Variants in RPTOR observed in about 807,000 individuals in gnomAD.
RPTOR encodes regulatory-associated protein of mTOR.
Under a neutral mutation model 169.9 loss-of-function variants are expected in RPTOR, and 21 were observed. That is an observed-to-expected ratio of 0.12 (90% confidence interval 0.09 to 0.18). The LOEUF (loss-of-function observed/expected upper bound fraction) is 0.18, where lower values mean the gene tolerates loss of function less well. RPTOR is among the 10% of genes least tolerant of loss of function. RPTOR has a pLI of 1.00. For missense variants in RPTOR, 1,133 were observed against 1,855.9 expected, an observed-to-expected ratio of 0.61 and a Z score of 7.16; for synonymous variants, 732 against 753.2, an observed-to-expected ratio of 0.97 and a Z score of 0.46.
chr17:80,603,308 T>C (rs1015122825), intron 1 of RPTOR, among the ~76,000 whole-genome samples: 19 of 152,192 alleles, frequency 1.2e-4, no homozygotes, highest in Non-Finnish European at 2.5e-4. Flanking sequence ...GGTCGTGGCA[T>C]AAAAGGTGAT....
chr17:80,571,353 C>G (rs1181289183), intron 1 of RPTOR, among the ~76,000 whole-genome samples: 2 of 152,166 alleles, frequency 1.3e-5, no homozygotes, highest in African/African-American at 4.8e-5. Context: ...CAGAAAACAT[C>G]TATTTACAAT....
chr17:80,809,408 A>T lies in RPTOR; in HGVS notation c.891-12793A>T, dbSNP rs77236202. On this transcript the variant is annotated intron_variant, in intron 7 of 33. Transcript: ENST00000306801. ...GGGTTTCACCATGTTGCCCAGGCTG[A>T]TCTCGAACTCCTGACTTAAGTGATC... Among the ~76,000 whole-genome samples the T allele has an allele frequency of 7.8e-3, 1,184 of 152,168 alleles. 27 individuals carry two copies. Among genetic ancestry groups the T allele is most frequent in the African/African-American group, 0.028 (1,143 of 41,522 alleles).
At chr17:80,653,438 T>A (rs2143627578) in intron 3 of RPTOR, among the ~76,000 whole-genome samples, 1 of 152,354 alleles carries the variant, frequency 6.6e-6, no homozygotes, top group South Asian at 2.1e-4. Context: ...ATATACTGTA[T>A]AATTTAATAC....
intron 24 of RPTOR, among the ~76,000 whole-genome samples, chr17:80,939,208 T>C (rs553765595): frequency 5.9e-5 from 9 of 152,342 alleles, no homozygotes; most frequent in South Asian, 4.1e-4. Context: ...ACGGCATGTA[T>C]GCTTAAGGAA....
At chr17:80,810,283 T>A (rs923587843) in intron 7 of RPTOR, among the ~76,000 whole-genome samples, 1 of 150,258 alleles carries the variant, frequency 6.7e-6, no homozygotes, top group Non-Finnish European at 1.5e-5. Context: ...CTTAGTGAAC[T>A]ATGATTAACT....
chr17:80,632,494 A>C (rs2065450080), intron 2 of RPTOR, among the ~76,000 whole-genome samples: 1 of 152,172 alleles, frequency 6.6e-6, no homozygotes, highest in Non-Finnish European at 1.5e-5. Context: ...GAAAAACTCC[A>C]TGCTTCTTTC....
At chr17:80,804,494 C>G (rs2067197440) in intron 7 of RPTOR, 1 of 152,266 alleles carries the variant, frequency 6.6e-6, no homozygotes, top group South Asian at 2.1e-4. Context: ...AGCTCCTTTC[C>G]TGCCTTCTGT....
chr17:80,897,635 T>A (rs554499749), intron 20 of RPTOR, among the ~76,000 whole-genome samples: 1 of 152,312 alleles, frequency 6.6e-6, no homozygotes, highest in Non-Finnish European at 1.5e-5. Context: ...CACCAGCTAT[T>A]TCTTTGGGCG....
rs1167338153 is a variant in RPTOR at position 80,844,829 on chromosome 17, A to C, written c.1213-1644A>C. On this transcript the variant is annotated intron_variant, in intron 10 of 33. Coordinates refer to ENST00000306801, the MANE Select transcript of RPTOR (RefSeq NM_020761.3). The surrounding 1 kb of genome is among the most constrained non-coding windows in gnomAD (Gnocchi z 4.7). ...TTCACTGGAACCCGGGGCACAGCCG[A>C]CCCCGGCCAGATGAGCGGAGGGAGG... Among the ~76,000 whole-genome samples the C allele has an allele frequency of 6.6e-6, 1 of 151,982 alleles. No individual in the cohort carries two copies. Among genetic ancestry groups the C allele is most frequent in the African/African-American group, 2.4e-5 (1 of 41,380 alleles).
chr17:80,649,651 G>GTGCTTTGACAGAAC (rs1319769494), intron 3 of RPTOR, among the ~76,000 whole-genome samples: 5 of 152,138 alleles, frequency 3.3e-5, no homozygotes, highest in Admixed American at 6.5e-5. Flanking sequence ...GGTGGTCTTG[G>GTGCTTTGACAGAAC]GGTTAACTGT....
chr17:80,666,765 C>T lies in RPTOR; in HGVS notation c.348+22955C>T, dbSNP rs145547306. On this transcript the variant is annotated intron_variant, in intron 3 of 33. Coordinates refer to ENST00000306801, the MANE Select transcript of RPTOR (RefSeq NM_020761.3). ...AGAGCCTCGTGGGGAGATGGGTGGC[C>T]GAGCAGTCCGAGAACCCACCTAAGG... Among the ~76,000 whole-genome samples, 221 of 152,260 alleles carry T rather than the reference C, an allele frequency of 1.5e-3. 2 individuals carry two copies. Among genetic ancestry groups the T allele is most frequent in the East Asian group, 6.4e-3 (33 of 5,178 alleles).
intron 11 of RPTOR, among the ~76,000 whole-genome samples, chr17:80,848,913 G>A (rs564412508): frequency 6.6e-6 from 1 of 152,350 alleles, no homozygotes; most frequent in East Asian, 1.9e-4. Context: ...CGTATGCGAA[G>A]ACAGCTCTGG....
At chr17:80,777,527 TG>T (rs2066903159) in intron 6 of RPTOR, among the ~76,000 whole-genome samples, 1 of 149,872 alleles carries the variant, frequency 6.7e-6, no homozygotes, top group South Asian at 2.1e-4. Flanking sequence ...CATCTTTTTA[TG>T]GGCTTATTGG....
chr17:80,643,831 C>T, intron 3 of RPTOR, 21 bp downstream of exon 3: 1 of 1,568,596 alleles, frequency 6.4e-7, no homozygotes, highest in African/African-American at 1.4e-5. Flanking sequence ...TTCACTTGCT[C>T]TTCCCTTTCC....
At chr17:80,620,144 T>C (rs9903842) in intron 1 of RPTOR, among the ~76,000 whole-genome samples, 9,868 of 152,240 alleles carry the variant, frequency 0.065, 1,065 homozygotes, top group African/African-American at 0.23. Flanking sequence ...AAATTTACCG[T>C]CATGTCCAAG....
At chr17:80,920,365 G>A (rs1052026592) in intron 21 of RPTOR, among the ~76,000 whole-genome samples, 2 of 150,676 alleles carry the variant, frequency 1.3e-5, no homozygotes, top group African/African-American at 4.9e-5. Flanking sequence ...TAATGGGGGT[G>A]GGGGGGGCTC....
At chr17:80,578,421 A>G (rs2064985131) in intron 1 of RPTOR, among the ~76,000 whole-genome samples, 1 of 152,214 alleles carries the variant, frequency 6.6e-6, no homozygotes, top group African/African-American at 2.4e-5. Flanking sequence ...TCTGATCAAC[A>G]CAAGCTGTCC....
chr17:80,610,716 A>G (rs915996655), intron 1 of RPTOR, among the ~76,000 whole-genome samples: 3 of 152,104 alleles, frequency 2.0e-5, no homozygotes, highest in African/African-American at 7.2e-5. Context: ...ACCCCGTGCC[A>G]CCCACCAGGA....
chr17:80,928,460 A>G (rs1276891680), intron 24 of RPTOR, among the ~76,000 whole-genome samples: 1 of 152,258 alleles, frequency 6.6e-6, no homozygotes, highest in East Asian at 1.9e-4. Flanking sequence ...GCTTCAAGGT[A>G]TATAAGAAAC....
Sources: allele counts gnomAD v4.1 joint callset (sites outside exome capture counted in the v4.1 genomes callset), GRCh38; gene constraint gnomAD v4.1.1; non-coding constraint Gnocchi (gnomAD v3.1); transcripts MANE v1.5; gene names NCBI Gene and HGNC (gene_info 2026-07-23, HGNC 2026-07-21).